Variants in RCC1L observed in about 807,000 individuals in gnomAD.
RCC1L encodes the protein RCC1 like, also known as RCC1-like G exchanging factor-like protein.
A neutral mutation model predicts 58.6 loss-of-function variants in RCC1L; 46 were observed. The observed-to-expected ratio is 0.79, with a 90% confidence interval of 0.62 to 1.00. The LOEUF (loss-of-function observed/expected upper bound fraction) is 1.00, where lower values mean the gene tolerates loss of function less well. RCC1L is among the 50% of genes least tolerant of loss of function. RCC1L has a pLI of 0.00. For missense variants in RCC1L, 636 were observed against 623.6 expected (o/e 1.02, Z -0.21); for synonymous variants, 281 against 262.9 (o/e 1.07, Z -0.67).
intron 10 of RCC1L, among the ~76,000 whole-genome samples, chr7:75,051,814 A>G (rs1805923247): frequency 6.6e-6 from 1 of 152,178 alleles, no homozygotes; most frequent in Admixed American, 6.6e-5. Flanking sequence ...GTATGTACTC[A>G]CAGGCACACA....
chr7:75,029,815 A>G (rs1805251119), intron 10 of RCC1L, among the ~76,000 whole-genome samples: 1 of 151,986 alleles, frequency 6.6e-6, no homozygotes. Flanking sequence ...GAGAAAAGAC[A>G]TTGGCTTTGG....
Position 75,066,685 on chromosome 7 carries a change from C to CA in RCC1L, c.561dup (p.Val188CysfsTer4). On this transcript the variant is annotated frameshift_variant, in exon 3 of 11. Transcript: ENST00000610322. LOFTEE classifies it high-confidence loss of function. ...TCACCTCCTTCCCTGTCAGTCAACA[C>CA]AAGAGAGTGAGCTCGGCCGCAGGAG... 1.9e-6 allele frequency: 3 copies of CA among 1,613,056 alleles called. No individual in the cohort carries two copies. Among genetic ancestry groups the CA allele is most frequent in the Non-Finnish European group, 2.5e-6 (3 of 1,179,480 alleles).
Position 75,042,285 on chromosome 7 carries a change from A to T in RCC1L, c.*747T>A, listed in dbSNP as rs1379347961. On this transcript the variant is annotated 3_prime_UTR_variant, in exon 11 of 11. Coordinates refer to ENST00000610322, the MANE Select transcript of RCC1L (RefSeq NM_030798.5). The stretch of plus-strand genomic sequence containing the variant: ...CACGCTACTAAATCAAACATTGTTC[A>T]CAATTTCTGGATCTTCCTCCTCCGC... 12 of 985,398 alleles carry T rather than the reference A, an allele frequency of 1.2e-5. No homozygotes were observed. Among genetic ancestry groups the T allele is most frequent in the Non-Finnish European group, 1.2e-5 (10 of 829,968 alleles). The allele number at this position is 985,398 out of a possible 1,614,324, so 61.0% of individuals were successfully genotyped here. A position where few individuals can be genotyped will look rare whatever the true frequency, so the allele number is the denominator to read the frequency against.
In RCC1L at chr7:75,042,959, G is replaced by C. The variant is rs1412242059; in HGVS notation, c.*73C>G. ...CACCATCCAAGAACCCCGGGGGGCT[G>C]GCCACGCGCTGGCCTCTGCCAAGGA... On this transcript the variant is annotated 3_prime_UTR_variant, in exon 11 of 11. Coordinates refer to ENST00000610322, the MANE Select transcript of RCC1L (RefSeq NM_030798.5). 1 of 1,610,736 alleles carries C rather than the reference G, an allele frequency of 6.2e-7. No homozygotes were observed. Among genetic ancestry groups the C allele is most frequent in the Non-Finnish European group, 8.5e-7 (1 of 1,178,322 alleles).
At chr7:75,044,239 G>A (rs976914614) in intron 10 of RCC1L, among the ~76,000 whole-genome samples, 3 of 152,182 alleles carry the variant, frequency 2.0e-5, no homozygotes, top group Non-Finnish European at 4.4e-5. Context: ...TGTTTATTAT[G>A]ACTAGGCAGT....
rs1002088145 is a variant in RCC1L, at chr7:75,042,852, G to T, written c.*180C>A. 10 of 1,452,372 alleles carry T rather than the reference G, an allele frequency of 6.9e-6. No homozygotes were observed. Among genetic ancestry groups the T allele is most frequent in the Non-Finnish European group, 9.1e-6 (10 of 1,098,836 alleles). The allele number at this position is 1,452,372 out of a possible 1,614,324, so 90.0% of individuals were successfully genotyped here. A position where few individuals can be genotyped will look rare whatever the true frequency, so the allele number is the denominator to read the frequency against. On this transcript the variant is annotated 3_prime_UTR_variant, in exon 11 of 11. Coordinates refer to ENST00000610322, the MANE Select transcript of RCC1L (RefSeq NM_030798.5). ...CAGGCCTCACCTGCAGCTGGAGAGGGACCTTGCCCTGATCCTCCTGGTAGG... is the reference window on the plus strand; with the variant it reads ...CAGGCCTCACCTGCAGCTGGAGAGGTACCTTGCCCTGATCCTCCTGGTAGG...
In RCC1L at chr7:75,052,596, G is replaced by T. The variant is rs927084226; in HGVS notation, c.1317+115C>A. On this transcript the variant is annotated intron_variant, in intron 10 of 10. Coordinates refer to ENST00000610322, the MANE Select transcript of RCC1L (RefSeq NM_030798.5). ...CAGGAGTGCAGCCAGGACCCGGAAG[G>T]GGGAGCAGGTCCCATGGCCCTCGTC... The T allele has an allele frequency of 6.8e-5, 65 of 950,802 alleles. No homozygotes were observed. In the African/African-American group the frequency reaches 9.1e-4, roughly 13 times the overall value. The allele number at this position is 950,802 out of a possible 1,614,324, so 58.9% of individuals were successfully genotyped here.
chr7:75,044,431 T>C (rs1031642525), intron 10 of RCC1L, among the ~76,000 whole-genome samples: 4 of 151,266 alleles, frequency 2.6e-5, no homozygotes, highest in Non-Finnish European at 5.9e-5. Context: ...AAACCCTGTC[T>C]CTACTAAAAA....
Position 75,073,418 on chromosome 7 carries a change from T to C in RCC1L, c.320A>G (p.Gln107Arg). The stretch of plus-strand genomic sequence containing the variant: ...GGAGGAAGCCGCGGCCTGCACCTTT[T>C]GGTCCAGCTCCAGGCGATAGGGCAC... ...QPVPYRLELD[Q>R]KISSAACGYG... Residue 107 changes from glutamine to arginine, a missense_variant, in exon 1 of 11, where the codon CAA becomes CGA. Transcript: ENST00000610322. 4.0e-6 allele frequency: 5 copies of C among 1,258,240 alleles called. No individual in the cohort carries two copies. The highest frequency in any genetic ancestry group is 5.1e-6 in the Non-Finnish European group (5 of 974,210). The allele number at this position is 1,258,240 out of a possible 1,614,324, so 77.9% of individuals were successfully genotyped here.
chr7:75,040,579 C>T (rs1232309546), downstream of RCC1L, among the ~76,000 whole-genome samples: 3 of 152,056 alleles, frequency 2.0e-5, no homozygotes, highest in African/African-American at 7.2e-5. Flanking sequence ...ACCTGCCATC[C>T]CGAACCCCGC....
intron 9 of RCC1L, among the ~76,000 whole-genome samples, chr7:75,054,650 T>C (rs1806020298): frequency 2.0e-5 from 3 of 152,082 alleles, no homozygotes; most frequent in Admixed American, 2.0e-4. Flanking sequence ...GGCGTGGTGG[T>C]GTGTGCCTGT....
At chr7:75,049,667 T>TA (rs1554443142) in intron 10 of RCC1L, among the ~76,000 whole-genome samples, 4 of 139,576 alleles carry the variant, frequency 2.9e-5, no homozygotes. Context: ...GACCCTGTTT[T>TA]CAAAAAAAAA....
chr7:75,050,374 G>A (rs1253857050), intron 10 of RCC1L, among the ~76,000 whole-genome samples: 1 of 152,216 alleles, frequency 6.6e-6, no homozygotes. Flanking sequence ...GACCCAGATG[G>A]AATGTCAACG....
At chr7:75,048,181 C>T (rs1175350160) in intron 10 of RCC1L, among the ~76,000 whole-genome samples, 3 of 149,100 alleles carry the variant, frequency 2.0e-5, no homozygotes, top group African/African-American at 7.4e-5. Context: ...GCAAGAGAAT[C>T]GCTTGAACCC....
intron 3 of RCC1L, among the ~76,000 whole-genome samples, chr7:75,066,137 C>T (rs940047326): frequency 6.6e-6 from 1 of 151,994 alleles, no homozygotes; most frequent in Non-Finnish European, 1.5e-5. Context: ...TTTCCAAGAA[C>T]CAGAGAGCAG....
intron 9 of RCC1L, among the ~76,000 whole-genome samples, chr7:75,054,104 T>C (rs1315745312): frequency 6.6e-6 from 1 of 152,198 alleles, no homozygotes; most frequent in Non-Finnish European, 1.5e-5. Context: ...GATCTCACTA[T>C]GTTGCCTAGG....
intron 5 of RCC1L, 135 bp downstream of exon 5, chr7:75,063,157 G>C (rs1806329396): frequency 1.0e-6 from 1 of 981,000 alleles, no homozygotes; most frequent in East Asian, 2.5e-5. Flanking sequence ...CCTATAGTAA[G>C]TAGGCTACAA....
intron 10 of RCC1L, among the ~76,000 whole-genome samples, chr7:75,048,006 C>A (rs1417092483): frequency 6.8e-6 from 1 of 146,104 alleles, no homozygotes; most frequent in Non-Finnish European, 1.5e-5. Flanking sequence ...GTGGCTCACA[C>A]CTGTAATCCC....
At chr7:75,039,626 G>C (rs977538628), downstream of RCC1L, among the ~76,000 whole-genome samples, 4 of 152,116 alleles carry the variant, frequency 2.6e-5, no homozygotes, top group Non-Finnish European at 5.9e-5. Flanking sequence ...AGGGAGATGG[G>C]GGGGAGGCCT....
Sources: gnomAD v4.1 joint callset for allele counts (sites outside exome capture counted in the v4.1 genomes callset) on GRCh38, gnomAD v4.1.1 for gene constraint, MANE v1.5 for transcripts, NCBI Gene and HGNC (gene_info 2026-07-23, HGNC 2026-07-21) for gene names.